TNRC6A: variants seen among roughly 807,000 people sequenced by gnomAD.
TNRC6A encodes the protein trinucleotide repeat-containing gene 6A protein.
Under a neutral mutation model 221.2 loss-of-function variants are expected in TNRC6A, and 44 were observed. The observed-to-expected ratio is 0.20, with a 90% confidence interval of 0.16 to 0.26. The LOEUF is 0.26. TNRC6A is among the 10% of genes least tolerant of loss of function. TNRC6A has a pLI of 1.00. For synonymous variants in TNRC6A, 847 were observed against 838.5 expected, an observed-to-expected ratio of 1.01 and a Z score of -0.18; for missense variants, 2,199 against 2,404.4, an observed-to-expected ratio of 0.91 and a Z score of 1.79.
chr16:24,641,767 T>C (rs1901963860), intron 2 of TNRC6A, among the ~76,000 whole-genome samples: 2 of 152,214 alleles, frequency 1.3e-5, no homozygotes, highest in African/African-American at 4.8e-5. Flanking sequence ...TGGTTTCTTT[T>C]TCATTCATTC....
rs1159675577 is a variant in TNRC6A at position 24,791,634 on chromosome 16, A to G, written c.2992A>G (p.Lys998Glu). 1 of 1,611,660 alleles carries G rather than the reference A, an allele frequency of 6.2e-7. No homozygotes were observed. Among genetic ancestry groups the G allele is most frequent in the East Asian group, 2.2e-5 (1 of 44,848 alleles). ...EEPSPESIRR[K>E]MEIDDGTSAW... ...ACCATCCCCAGAATCTATACGTCGC[A>G]AAATGGAGATTGATGATGGAACTTC... The change falls in exon 6 of 25, where the codon AAA (lysine) becomes GAA (glutamate). Residue 998 changes from lysine to glutamate, a missense_variant. Coordinates refer to ENST00000395799, the MANE Select transcript of TNRC6A (RefSeq NM_014494.4).
In TNRC6A at chr16:24,797,627, T is replaced by C. The variant is rs1429586680; in HGVS notation, c.3642+57T>C. The C allele has an allele frequency of 3.0e-6, 4 of 1,337,142 alleles. No individual in the cohort carries two copies. The African/African-American group carries it at 5.9e-5, about 20-fold the overall frequency. The allele number at this position is 1,337,142 out of a possible 1,614,324, so 82.8% of individuals were successfully genotyped here. Reference sequence around the variant, plus strand: ...TTTTAATGGTGGTCCATGATTTATCTTGATTTCACTCTTTTTAAGAATTAT... The same window carrying C: ...TTTTAATGGTGGTCCATGATTTATCCTGATTTCACTCTTTTTAAGAATTAT... On this transcript the variant is annotated intron_variant, in intron 10 of 24. Transcript: ENST00000395799.
At chr16:24,618,376 T>C (rs1236845588) in intron 1 of TNRC6A, among the ~76,000 whole-genome samples, 2 of 152,212 alleles carry the variant, frequency 1.3e-5, no homozygotes, top group Admixed American at 6.5e-5. Context: ...TGGTAGGCTC[T>C]CAGCAACTAT....
intron 2 of TNRC6A, among the ~76,000 whole-genome samples, chr16:24,697,569 C>T (rs1264800564): frequency 6.6e-6 from 1 of 151,974 alleles, no homozygotes; most frequent in Admixed American, 6.6e-5. Flanking sequence ...CCTGTAGTCC[C>T]AGCTACTTAG....
At chr16:24,694,820 C>T (rs1279754640) in intron 2 of TNRC6A, among the ~76,000 whole-genome samples, 5 of 151,962 alleles carry the variant, frequency 3.3e-5, no homozygotes, top group African/African-American at 1.2e-4. Context: ...GTAATCCTAG[C>T]TACATGGGAG....
intron 9 of TNRC6A, chr16:24,796,388 TCAGTGATAGTATGAAA>T (rs2058219900): frequency 6.4e-6 from 1 of 155,744 alleles, no homozygotes; most frequent in Non-Finnish European, 1.4e-5. Context: ...AGAAAGCTAA[TCAGTGATAGTATGAAA>T]TATAAATTGG....
chr16:24,744,670 C>G (rs1405400497), intron 2 of TNRC6A, among the ~76,000 whole-genome samples: 1 of 152,140 alleles, frequency 6.6e-6, no homozygotes, highest in African/African-American at 2.4e-5. Context: ...TTACTGCTAC[C>G]TGTTTGTATG....
upstream of TNRC6A, among the ~76,000 whole-genome samples, chr16:24,726,698 G>A (rs989772155): frequency 6.6e-6 from 1 of 152,258 alleles, no homozygotes; most frequent in African/African-American, 2.4e-5. Flanking sequence ...GAGCTGGAGA[G>A]GAATGACGCA....
intron 6 of TNRC6A, 34 bp from the exon 7 acceptor site, chr16:24,793,439 A>G (rs777302876): frequency 2.2e-6 from 3 of 1,367,468 alleles, no homozygotes; most frequent in Non-Finnish European, 2.9e-6. Flanking sequence ...CTTACCTTCT[A>G]TGCTGATGAC....
chr16:24,708,432 G>A (rs912828730), intron 2 of TNRC6A, among the ~76,000 whole-genome samples: 6 of 151,862 alleles, frequency 4.0e-5, no homozygotes, highest in African/African-American at 1.2e-4. Flanking sequence ...TAGTAGAGAC[G>A]GGGTTTCACC....
chr16:24,693,133 G>T (rs2055788821), intron 2 of TNRC6A, among the ~76,000 whole-genome samples: 3 of 152,090 alleles, frequency 2.0e-5, no homozygotes, highest in Admixed American at 2.0e-4. Flanking sequence ...TCCCTCCCTT[G>T]TTCTAAGAAG....
chr16:24,639,681 G>T (rs1329518885), intron 1 of TNRC6A, among the ~76,000 whole-genome samples: 1 of 151,872 alleles, frequency 6.6e-6, no homozygotes, highest in South Asian at 2.1e-4. Context: ...TCGCTCTATC[G>T]CCCAGGCTTG....
At chr16:24,713,294 T>G (rs1214515706) in intron 2 of TNRC6A, among the ~76,000 whole-genome samples, 1 of 151,998 alleles carries the variant, frequency 6.6e-6, no homozygotes, top group Non-Finnish European at 1.5e-5. Context: ...GGCAGGCACC[T>G]GTAGTTCCAG....
At chr16:24,819,729 G>GT in intron 21 of TNRC6A, 28 of 196,922 alleles carry the variant, frequency 1.4e-4, no homozygotes, top group South Asian at 3.7e-4. Flanking sequence ...TCCTGAGTTG[G>GT]GGCTCTTTTG....
chr16:24,729,753 G>T lies in TNRC6A; in HGVS notation c.-89G>T. 7.6e-7 allele frequency: 1 copy of T among 1,317,678 alleles called. No individual in the cohort carries two copies. The allele number at this position is 1,317,678 out of a possible 1,614,324, so 81.6% of individuals were successfully genotyped here. On this transcript the variant is annotated 5_prime_UTR_variant, in exon 1 of 25. Coordinates refer to ENST00000395799, the MANE Select transcript of TNRC6A (RefSeq NM_014494.4). ...GTGTAGAAAATGGCGCTGGTGCAGC[G>T]GCTCGGGCCTCTCCCCGCGGCGCTG...
At chr16:24,724,240 G>GTGTT (rs60020237) in intron 2 of TNRC6A, among the ~76,000 whole-genome samples, 7 of 151,976 alleles carry the variant, frequency 4.6e-5, no homozygotes, top group Non-Finnish European at 1.0e-4. Context: ...AATCATTTGA[G>GTGTT]TGTTTGTTTG....
intron 2 of TNRC6A, among the ~76,000 whole-genome samples, chr16:24,746,110 C>T (rs2057004331): frequency 1.3e-5 from 2 of 152,160 alleles, no homozygotes; most frequent in Non-Finnish European, 2.9e-5. Flanking sequence ...CAACTTCTTA[C>T]TGCTCCATAA....
chr16:24,728,967 T>G (rs550727258), upstream of TNRC6A, among the ~76,000 whole-genome samples: 1 of 152,058 alleles, frequency 6.6e-6, no homozygotes, highest in Non-Finnish European at 1.5e-5. Context: ...TTTGAAGCCA[T>G]CTAGTAGCGC....
At chr16:24,702,323 A>G (rs756922494) in intron 2 of TNRC6A, among the ~76,000 whole-genome samples, 1 of 151,480 alleles carries the variant, frequency 6.6e-6, no homozygotes, top group South Asian at 2.1e-4. Flanking sequence ...GACTTCAGGC[A>G]CATGCCACCA....
Sources: allele counts gnomAD v4.1 joint callset (sites outside exome capture counted in the v4.1 genomes callset), GRCh38; gene constraint gnomAD v4.1.1; transcripts MANE v1.5; gene names NCBI Gene and HGNC (gene_info 2026-07-23, HGNC 2026-07-21).